The following INPP4A variants were observed in gnomAD, a reference collection of about 807,000 sequenced individuals.
The protein encoded by INPP4A is inositol polyphosphate-4-phosphatase type I A.
INPP4A carries 33 observed loss-of-function variants against 119.8 expected under a neutral mutation model. The observed-to-expected ratio is 0.28, with a 90% CI of 0.21 to 0.37. The LOEUF (loss-of-function observed/expected upper bound fraction) is 0.37, where lower values mean the gene tolerates loss of function less well. Among genes scored for constraint, INPP4A ranks in the 10% least tolerant of loss-of-function variants. The pLI is 1.00. For synonymous variants in INPP4A, 496 were observed against 500.7 expected (o/e 0.99, Z 0.12); for missense variants, 956 against 1,289.9 (o/e 0.74, Z 3.97).
intron 17 of INPP4A, 119 bp downstream of exon 17, chr2:98,559,614 G>A: frequency 9.2e-7 from 1 of 1,086,762 alleles, no homozygotes; most frequent in South Asian, 1.5e-5. Flanking sequence ...AGTATTCCAG[G>A]ACCTCCTTCG....
At chr2:98,466,836 C>T (rs1674884516) in intron 1 of INPP4A, among the ~76,000 whole-genome samples, 1 of 152,192 alleles carries the variant, frequency 6.6e-6, no homozygotes, top group Non-Finnish European at 1.5e-5. Context: ...TGGGCAGTCC[C>T]TGAATAACTA....
At chr2:98,584,520 G>T (rs540861831) in intron 24 of INPP4A, among the ~76,000 whole-genome samples, 1 of 152,230 alleles carries the variant, frequency 6.6e-6, no homozygotes, top group Non-Finnish European at 1.5e-5. Context: ...GAGAAGCTGC[G>T]GCCAGGCCGA....
chr2:98,555,437 A>G (rs754721113), intron 15 of INPP4A, 116 bp from the exon 16 acceptor site: 3 of 1,115,432 alleles, frequency 2.7e-6, no homozygotes, highest in African/African-American at 3.1e-5. Flanking sequence ...ACTTTGAGGT[A>G]TTTTAACAAG....
intron 1 of INPP4A, among the ~76,000 whole-genome samples, chr2:98,458,739 G>T (rs933067400): frequency 1.3e-5 from 2 of 152,196 alleles, no homozygotes; most frequent in South Asian, 4.1e-4. Flanking sequence ...AACAAAAGGT[G>T]TTGGGACCCC....
intron 11 of INPP4A, among the ~76,000 whole-genome samples, chr2:98,545,756 A>C (rs958471154): frequency 6.6e-6 from 1 of 152,196 alleles, no homozygotes; most frequent in African/African-American, 2.4e-5. Context: ...GAGCACCCAG[A>C]ACCAGCTCTC....
rs1330419370 is a variant in INPP4A at position 98,589,823 on chromosome 2, C to A, written c.*2215C>A. 11 of 188,872 alleles carry A rather than the reference C, an allele frequency of 5.8e-5. No homozygotes were observed. In the Admixed American group the frequency reaches 6.8e-4, roughly 12 times the overall value. 11.7% of individuals were successfully genotyped at this position (188,872 alleles called of 1,614,324 possible). A position where few individuals can be genotyped will look rare whatever the true frequency, so the allele number is the denominator to read the frequency against. On this transcript the variant is annotated 3_prime_UTR_variant, in exon 25 of 25. Coordinates refer to ENST00000409851, the MANE Select transcript of INPP4A (RefSeq NM_001134225.2). ...TAAAACAGAGGTTCCGTCCAGTGTT[C>A]CTTATGATGCCTCCCCATTTAAAAA...
In INPP4A at chr2:98,592,349, A is replaced by G. The variant is rs1240938290; in HGVS notation, c.*4741A>G. On this transcript the variant is annotated 3_prime_UTR_variant, in exon 25 of 25. Coordinates refer to ENST00000409851, the MANE Select transcript of INPP4A (RefSeq NM_001134225.2). ...ATGACAGAACCAAGGGGGTCAAGGAAGATTGGAGAGGAGTGGGCAGCAGGA... is the reference window on the plus strand; with the variant it reads ...ATGACAGAACCAAGGGGGTCAAGGAGGATTGGAGAGGAGTGGGCAGCAGGA... 1 of 152,350 alleles carries G rather than the reference A, an allele frequency of 6.6e-6. No homozygotes were observed. Among genetic ancestry groups the G allele is most frequent in the Non-Finnish European group, 1.5e-5 (1 of 68,200 alleles). 9.4% of individuals were successfully genotyped at this position (152,350 alleles called of 1,614,324 possible).
intron 24 of INPP4A, among the ~76,000 whole-genome samples, chr2:98,583,461 T>G (rs1420692420): frequency 6.6e-6 from 1 of 152,154 alleles, no homozygotes; most frequent in Non-Finnish European, 1.5e-5. Context: ...AGTGTAACCT[T>G]AACACCCATG....
rs1697176404 is a variant in INPP4A, at chr2:98,570,031, G to A, written c.2518+1363G>A. Among the ~76,000 whole-genome samples the A allele has an allele frequency of 6.6e-6, 1 of 152,170 alleles. No individual in the cohort carries two copies. The highest frequency in any genetic ancestry group is 1.5e-5 in the Non-Finnish European group (1 of 68,024). ...ACTCCTCAGCGGCCACGTGCAGCTG[G>A]CGCTGGGGAGGTGAGGGCTGTGTCT... is the stretch of plus-strand genomic sequence containing the variant. On this transcript the variant is annotated intron_variant, in intron 22 of 24. Transcript: ENST00000409851. This position sits in a 1 kb window ranked among gnomAD's most constrained non-coding sequence, Gnocchi z 4.3.
rs573310865 is a variant in INPP4A, at chr2:98,555,668, C to T, written c.1682C>T (p.Ala561Val). The part of the protein sequence containing the change: ...GEGCEDVFPC[A>V]GSCTSKKGNP... Reference sequence around the variant, plus strand: ...GGCTGTGAGGATGTCTTCCCCTGTGCAGGCAGCTGCACCAGCAAGAAAGGT... The same window carrying T: ...GGCTGTGAGGATGTCTTCCCCTGTGTAGGCAGCTGCACCAGCAAGAAAGGT... The change falls in exon 16 of 25, where the codon GCA becomes GTA. Residue 561 changes from alanine to valine, a missense_variant. By Grantham distance (64) the Ala-to-Val change is moderately conservative. This residue lies in a region of INPP4A where 652 missense variants were observed against 797.9 expected (regional missense o/e 0.82). Transcript: ENST00000409851. 3 of 1,613,992 alleles carry T rather than the reference C, an allele frequency of 1.9e-6. No homozygotes were observed. The African/African-American group carries it at 4.0e-5, about 22-fold the overall frequency.
intron 1 of INPP4A, among the ~76,000 whole-genome samples, chr2:98,479,895 A>G (rs1266868240): frequency 6.6e-6 from 1 of 152,084 alleles, no homozygotes; most frequent in Non-Finnish European, 1.5e-5. Context: ...CTTACCTAAA[A>G]CTGCCTCCCA....
At position 98,563,073 on chromosome 2, in the gene INPP4A, G is replaced by A. The variant is rs551268143; in HGVS notation, c.1856-392G>A. ...ACCTTTCTGGGTGTCCTTCCTCTCCGGGTGGAGGTGCTACAGGGCTGTGGA... is the reference window on the plus strand; with the variant it reads ...ACCTTTCTGGGTGTCCTTCCTCTCCAGGTGGAGGTGCTACAGGGCTGTGGA... On this transcript the variant is annotated intron_variant, in intron 17 of 24. Transcript: ENST00000409851. Among the ~76,000 whole-genome samples the A allele has an allele frequency of 5.9e-5, 9 of 152,324 alleles. No homozygotes were observed. The East Asian group carries it at 1.2e-3, about 20-fold the overall frequency.
rs544547704 is a variant in INPP4A at position 98,577,164 on chromosome 2, G to A, written c.2786+21G>A. ...CGCAGGTGAGTGCCGCAGCCAGGCC[G>A]CGCGCCCCGCCTGCCCCGGCCCGTG... On this transcript the variant is annotated intron_variant, in intron 24 of 24. Coordinates refer to ENST00000409851, the MANE Select transcript of INPP4A (RefSeq NM_001134225.2). 2.7e-5 allele frequency: 42 copies of A among 1,569,264 alleles called. No homozygotes were observed. The East Asian group carries it at 3.8e-4, about 14-fold the overall frequency.
At chr2:98,567,091 A>G (rs1162830922) in intron 21 of INPP4A, among the ~76,000 whole-genome samples, 4 of 152,138 alleles carry the variant, frequency 2.6e-5, no homozygotes, top group African/African-American at 9.7e-5. Context: ...GGCAGGACAC[A>G]ATCAGATTTA....
chr2:98,525,432 C>CA (rs959680773), intron 4 of INPP4A, among the ~76,000 whole-genome samples: 1 of 152,158 alleles, frequency 6.6e-6, no homozygotes, highest in African/African-American at 2.4e-5. Context: ...TCCCTTTTGC[C>CA]ATGTAATGTA....
Position 98,592,353 on chromosome 2 carries a change from T to C in INPP4A, c.*4745T>C, listed in dbSNP as rs1700442098. Reference sequence around the variant, plus strand: ...CAGAACCAAGGGGGTCAAGGAAGATTGGAGAGGAGTGGGCAGCAGGAAACA... The same window carrying C: ...CAGAACCAAGGGGGTCAAGGAAGATCGGAGAGGAGTGGGCAGCAGGAAACA... On this transcript the variant is annotated 3_prime_UTR_variant, in exon 25 of 25. Transcript: ENST00000409851. 6.6e-6 allele frequency: 1 copy of C among 152,086 alleles called. No individual in the cohort carries two copies. Among genetic ancestry groups the C allele is most frequent in the Non-Finnish European group, 1.5e-5 (1 of 68,098 alleles). The allele number at this position is 152,086 out of a possible 1,614,324, so 9.4% of individuals were successfully genotyped here. A position where few individuals can be genotyped will look rare whatever the true frequency, so the allele number is the denominator to read the frequency against.
chr2:98,474,516 T>C (rs1056224147), intron 1 of INPP4A, among the ~76,000 whole-genome samples: 15 of 152,134 alleles, frequency 9.9e-5, no homozygotes, highest in African/African-American at 3.4e-4. Context: ...CCACAGGCAT[T>C]ATGGGGAGAG....
chr2:98,537,368 A>C (rs554343973), intron 7 of INPP4A, among the ~76,000 whole-genome samples: 1 of 152,318 alleles, frequency 6.6e-6, no homozygotes, highest in East Asian at 1.9e-4. Context: ...TCATATCAGG[A>C]TTCAAGGGCT....
chr2:98,488,941 G>C (rs1338350904), intron 1 of INPP4A, among the ~76,000 whole-genome samples: 1 of 119,962 alleles, frequency 8.3e-6, no homozygotes, highest in African/African-American at 3.9e-5. Context: ...TGCACTGTGT[G>C]TGTGTGTGTG....
Sources: gnomAD v4.1 joint callset for allele counts (sites outside exome capture counted in the v4.1 genomes callset) on GRCh38, gnomAD v4.1.1 for gene constraint, gnomAD v4.1.1 regional missense constraint, Gnocchi (gnomAD v3.1) non-coding constraint, MANE v1.5 for transcripts, NCBI Gene and HGNC (gene_info 2026-07-23, HGNC 2026-07-21) for gene names.